CMKLR2: variants seen among roughly 807,000 people sequenced by gnomAD.
CMKLR2 encodes the protein chemerin-like receptor 2.
Under a neutral mutation model 23.0 loss-of-function variants are expected in CMKLR2, and 18 were observed. The ratio of observed to expected loss-of-function variants is 0.78; its 90% CI spans 0.54 to 1.16. The LOEUF is 1.16. Among genes scored for constraint, CMKLR2 ranks in the 50% most tolerant of loss-of-function variants. The pLI, the probability that CMKLR2 is intolerant of heterozygous loss-of-function variation, is 0.00. For missense variants in CMKLR2, 401 were observed against 412.7 expected, an observed-to-expected ratio of 0.97 and a Z score of 0.25; for synonymous variants, 158 against 158.9, an observed-to-expected ratio of 0.99 and a Z score of 0.05.
intron 1 of CMKLR2, among the ~76,000 whole-genome samples, chr2:206,179,055 C>G (rs191649855): frequency 2.9e-3 from 144 of 49,330 alleles, no homozygotes; most frequent in African/African-American, 0.013. Context: ...CTCCCTGTCC[C>G]TTTTTTTTTT....
intron 1 of CMKLR2, among the ~76,000 whole-genome samples, chr2:206,194,207 C>G (rs952794049): frequency 7.9e-5 from 12 of 152,180 alleles, no homozygotes; most frequent in African/African-American, 2.9e-4. Flanking sequence ...AACAGTAATG[C>G]TGTTTCAACA....
chr2:206,178,802 C>T (rs1692910997), intron 1 of CMKLR2, among the ~76,000 whole-genome samples: 2 of 151,944 alleles, frequency 1.3e-5, no homozygotes, highest in Non-Finnish European at 2.9e-5. Flanking sequence ...ATGCTGGCTA[C>T]CACTCCTGGC....
At chr2:206,183,707 G>A (rs1688486963) in intron 1 of CMKLR2, among the ~76,000 whole-genome samples, 1 of 152,186 alleles carries the variant, frequency 6.6e-6, no homozygotes, top group Non-Finnish European at 1.5e-5. Flanking sequence ...GTTTGATGAT[G>A]ATGGTGAGGG....
At position 206,176,939 on chromosome 2, in the gene CMKLR2, C is replaced by A. The variant is rs779655651; in HGVS notation, c.309G>T (p.Trp103Cys). Residue 103 changes from tryptophan to cysteine, a missense_variant, in exon 2 of 2, where the codon TGG (tryptophan) becomes TGT (cysteine). Transcript: ENST00000621141. ...CTTTGCACAGCCAGATGCCAAAGGG[C>A]CAGTGGAAATTCATGGCCACATAGG... ...YISYVAMNFH[W>C]PFGIWLCKAN... 2 of 1,614,092 alleles carry A rather than the reference C, an allele frequency of 1.2e-6. No homozygotes were observed. Among genetic ancestry groups the A allele is most frequent in the East Asian group, 4.5e-5 (2 of 44,882 alleles).
At chr2:206,186,096 C>T (rs1446905880) in intron 1 of CMKLR2, among the ~76,000 whole-genome samples, 2 of 148,140 alleles carry the variant, frequency 1.4e-5, no homozygotes, top group Admixed American at 7.0e-5. Context: ...CTCACAAAAC[C>T]GTGTGGGTCT....
chr2:206,210,802 A>G (rs1016436111), intron 1 of CMKLR2, among the ~76,000 whole-genome samples: 2 of 152,182 alleles, frequency 1.3e-5, no homozygotes, highest in South Asian at 2.1e-4. Flanking sequence ...ATAAAGAAAA[A>G]GCTCTGTCAA....
Position 206,179,055 on chromosome 2 carries a change from C to CT in CMKLR2, c.-28-1781dup, listed in dbSNP as rs71034421. ...TTTATTTTGTGCCCGCTCCCTGTCCCTTTTTTTTTTTTTTTTTTTTTTTTT... is the reference window on the plus strand; with the variant it reads ...TTTATTTTGTGCCCGCTCCCTGTCCCTTTTTTTTTTTTTTTTTTTTTTTTTT... On this transcript the variant is annotated intron_variant, in intron 1 of 1. Coordinates refer to ENST00000621141, the MANE Select transcript of CMKLR2 (RefSeq NM_001389445.1). Among the ~76,000 whole-genome samples the CT allele has an allele frequency of 1.8e-3, 87 of 49,346 alleles. 29 individuals carry two copies. Among genetic ancestry groups the CT allele is most frequent in the Non-Finnish European group, 2.9e-3 (77 of 27,008 alleles). 32.4% of individuals were successfully genotyped at this position (49,346 alleles called of 152,430 possible).
rs1688192758 is a variant in CMKLR2, at chr2:206,175,992, C to T, written c.*188G>A. On this transcript the variant is annotated 3_prime_UTR_variant, in exon 2 of 2. Transcript: ENST00000621141. Reference sequence around the variant, plus strand: ...TTTTAAAAAAAATTTATTGCCACATCACAAGGAGTCAAGAGGATCCTTCCT... The same window carrying T: ...TTTTAAAAAAAATTTATTGCCACATTACAAGGAGTCAAGAGGATCCTTCCT... 2.3e-6 allele frequency: 1 copy of T among 435,614 alleles called. No homozygotes were observed. Among genetic ancestry groups the T allele is most frequent in the Non-Finnish European group, 4.0e-6 (1 of 250,238 alleles). 27.0% of individuals were successfully genotyped at this position (435,614 alleles called of 1,614,324 possible).
chr2:206,180,734 C>CATTATTATTATTATTATT lies in CMKLR2; in HGVS notation c.-28-3477_-28-3460dup, dbSNP rs58356678. On this transcript the variant is annotated intron_variant, in intron 1 of 1. Transcript: ENST00000621141. ...CAGGAGTGAGTAACTGTGCCCAGCC[C>CATTATTATTATTATTATT]ATTATTATTATTATTATTATTATTA... 5.1e-3 allele frequency among the ~76,000 whole-genome samples: 664 copies of CATTATTATTATTATTATT among 130,540 alleles called. 5 individuals carry two copies. Among genetic ancestry groups the CATTATTATTATTATTATT allele is most frequent in the Middle Eastern group, 0.018 (5 of 272 alleles). 85.6% of individuals were successfully genotyped at this position (130,540 alleles called of 152,430 possible). A position where few individuals can be genotyped will look rare whatever the true frequency, so the allele number is the denominator to read the frequency against.
rs1365929971 is a variant in CMKLR2 at position 206,202,392 on chromosome 2, A to G, written c.-29+10915T>C. ...ATATATTTTTTAAAATAATCTTTAGACTGTTTGAAACGGGGTGGAGTCAGA... is the reference window on the plus strand; with the variant it reads ...ATATATTTTTTAAAATAATCTTTAGGCTGTTTGAAACGGGGTGGAGTCAGA... On this transcript the variant is annotated intron_variant, in intron 1 of 1. Transcript: ENST00000621141. Among the ~76,000 whole-genome samples the G allele has an allele frequency of 2.0e-5, 3 of 152,314 alleles. No homozygotes were observed. In the East Asian group the frequency reaches 5.8e-4, roughly 29 times the overall value.
chr2:206,189,597 T>C (rs2105812921), intron 1 of CMKLR2, among the ~76,000 whole-genome samples: 1 of 150,124 alleles, frequency 6.7e-6, no homozygotes, highest in South Asian at 2.1e-4. Flanking sequence ...ATGGTGCCAC[T>C]GCACTCCAGC....
At chr2:206,216,208 C>G (rs1337277888), upstream of CMKLR2, among the ~76,000 whole-genome samples, 1 of 152,150 alleles carries the variant, frequency 6.6e-6, no homozygotes, top group African/African-American at 2.4e-5. Context: ...AATCCTAGCA[C>G]TTTGGGAGGT....
chr2:206,198,981 A>G (rs931953804), intron 1 of CMKLR2, among the ~76,000 whole-genome samples: 5 of 152,236 alleles, frequency 3.3e-5, no homozygotes, highest in Admixed American at 6.5e-5. Flanking sequence ...TTTAGAAGAA[A>G]TAGAATTTCC....
intron 1 of CMKLR2, among the ~76,000 whole-genome samples, chr2:206,196,683 T>C (rs887760802): frequency 5.3e-5 from 8 of 152,148 alleles, no homozygotes; most frequent in Admixed American, 5.2e-4. Context: ...AAGAACAGTT[T>C]TTAATTTTGA....
chr2:206,177,177 A>G lies in CMKLR2; in HGVS notation c.71T>C (p.Leu24Pro). 1 of 1,613,946 alleles carries G rather than the reference A, an allele frequency of 6.2e-7. No individual in the cohort carries two copies. The highest frequency in any genetic ancestry group is 8.5e-7 in the Non-Finnish European group (1 of 1,179,784). ...NYSYDLDYYS[L>P]ESDLEEKVQL... is the part of the protein sequence containing the mutation. Reference sequence around the variant, plus strand: ...GACTTTCTCCTCCAAATCAGACTCCAGAGAGTAATAGTCTAGGTCATAGGA... The same window carrying G: ...GACTTTCTCCTCCAAATCAGACTCCGGAGAGTAATAGTCTAGGTCATAGGA... Residue 24 changes from leucine to proline, a missense_variant, in exon 2 of 2, where the codon CTG (leucine) becomes CCG (proline). Transcript: ENST00000621141.
chr2:206,195,721 G>A (rs879873725), intron 1 of CMKLR2, among the ~76,000 whole-genome samples: 4 of 152,260 alleles, frequency 2.6e-5, no homozygotes, highest in East Asian at 1.9e-4. Context: ...TTGGGAGGCC[G>A]AGGCAGGCAG....
chr2:206,179,863 G>T (rs1004627061), intron 1 of CMKLR2, among the ~76,000 whole-genome samples: 2 of 152,096 alleles, frequency 1.3e-5, no homozygotes, highest in Admixed American at 6.6e-5. Flanking sequence ...TTAGATTATA[G>T]TAGGGTTAGA....
chr2:206,196,576 A>G (rs900098878), intron 1 of CMKLR2, among the ~76,000 whole-genome samples: 2 of 152,166 alleles, frequency 1.3e-5, no homozygotes, highest in Non-Finnish European at 2.9e-5. Flanking sequence ...AGAACGATGC[A>G]TGGAAAAGAA....
chr2:206,211,365 C>T (rs1369690937), intron 1 of CMKLR2, among the ~76,000 whole-genome samples: 1 of 152,114 alleles, frequency 6.6e-6, no homozygotes, highest in Non-Finnish European at 1.5e-5. Flanking sequence ...TGCTCTGTCT[C>T]CCAGGCTAGA....
Sources: allele counts gnomAD v4.1 joint callset (sites outside exome capture counted in the v4.1 genomes callset), GRCh38; gene constraint gnomAD v4.1.1; transcripts MANE v1.5; gene names NCBI Gene and HGNC (gene_info 2026-07-23, HGNC 2026-07-21).